The following CDH13 variants were observed in gnomAD, a reference collection of about 807,000 sequenced individuals.
CDH13 encodes cadherin-13.
Under a neutral mutation model 63.8 loss-of-function variants are expected in CDH13, and 24 were observed. The ratio of observed to expected loss-of-function variants is 0.38; its 90% CI spans 0.27 to 0.53. The LOEUF (loss-of-function observed/expected upper bound fraction) is 0.53, where lower values mean the gene tolerates loss of function less well. Ranked by LOEUF, CDH13 falls within the 20% of genes least tolerant of loss-of-function variation. CDH13 has a pLI of 0.85. For missense variants in CDH13, 1,049 were observed against 903.1 expected (o/e 1.16, Z -2.07); for synonymous variants, 503 against 355.3 (o/e 1.42, Z -4.67).
intron 5 of CDH13, among the ~76,000 whole-genome samples, chr16:83,327,220 C>G (rs8044097): frequency 2.6e-5 from 4 of 152,204 alleles, no homozygotes; most frequent in African/African-American, 9.7e-5. Flanking sequence ...AAATCATATA[C>G]TATCAGTCAC....
chr16:83,368,244 G>A (rs904569469), intron 6 of CDH13, among the ~76,000 whole-genome samples: 6 of 152,202 alleles, frequency 3.9e-5, no homozygotes, highest in African/African-American at 1.4e-4. Context: ...TATTCTGTTT[G>A]TTATACACTC....
At chr16:82,827,372 G>A (rs1053407735) in intron 1 of CDH13, among the ~76,000 whole-genome samples, 3 of 152,142 alleles carry the variant, frequency 2.0e-5, no homozygotes, top group Non-Finnish European at 2.9e-5. Flanking sequence ...GTATGAAGGG[G>A]TCAAGCAAAT....
intron 6 of CDH13, among the ~76,000 whole-genome samples, chr16:83,364,475 G>A (rs2091221920): frequency 6.6e-6 from 1 of 152,138 alleles, no homozygotes; most frequent in Non-Finnish European, 1.5e-5. Flanking sequence ...TAGTACACAG[G>A]AAACTTACCT....
chr16:83,259,452 A>C (rs1290342100), intron 5 of CDH13, among the ~76,000 whole-genome samples: 1 of 152,080 alleles, frequency 6.6e-6, no homozygotes, highest in African/African-American at 2.4e-5. Flanking sequence ...CTTTCTCAGC[A>C]TCCTTGTTTG....
intron 6 of CDH13, among the ~76,000 whole-genome samples, chr16:83,391,991 A>C (rs1285247747): frequency 6.6e-6 from 1 of 152,158 alleles, no homozygotes; most frequent in African/African-American, 2.4e-5. Context: ...AACTCTATGT[A>C]GTCAGGAGCT....
At chr16:83,221,416 C>T (rs112903199) in intron 5 of CDH13, among the ~76,000 whole-genome samples, 2 of 152,222 alleles carry the variant, frequency 1.3e-5, no homozygotes, top group African/African-American at 4.8e-5. Flanking sequence ...TGCAAAGCCT[C>T]CTGAAATATT....
intron 2 of CDH13, among the ~76,000 whole-genome samples, chr16:83,005,222 C>T (rs1050907803): frequency 6.6e-6 from 1 of 152,196 alleles, no homozygotes; most frequent in East Asian, 1.9e-4. Context: ...CCCTTCACAG[C>T]TGGACATTGC....
At chr16:83,488,650 A>G (rs1231166656) in intron 7 of CDH13, among the ~76,000 whole-genome samples, 1 of 151,770 alleles carries the variant, frequency 6.6e-6, no homozygotes, top group Non-Finnish European at 1.5e-5. Context: ...TATGAGACAG[A>G]GTCTTGCTCT....
chr16:83,780,076 A>C lies in CDH13; in HGVS notation c.1790A>C (p.Lys597Thr). 1 of 1,613,946 alleles carries C rather than the reference A, an allele frequency of 6.2e-7. No homozygotes were observed. Among genetic ancestry groups the C allele is most frequent in the Non-Finnish European group, 8.5e-7 (1 of 1,179,848 alleles). The change falls in exon 12 of 14, where the codon AAA becomes ACA. Residue 597 changes from lysine to threonine, a missense_variant. By Grantham distance (78) the Lys-to-Thr change is moderately conservative. Transcript: ENST00000567109. Reference protein sequence around the residue: ...PTVAEVCDDAKNLSVVILGAS... With the variant: ...PTVAEVCDDATNLSVVILGAS... Reference sequence around the variant, plus strand: ...GTAGCTGAAGTCTGTGATGATGCCAAAAACCTCAGTGTAGTCATTTTGGGA... The same window carrying C: ...GTAGCTGAAGTCTGTGATGATGCCACAAACCTCAGTGTAGTCATTTTGGGA...
At chr16:82,826,495 A>G (rs1056233329) in intron 1 of CDH13, 1 of 152,204 alleles carries the variant, frequency 6.6e-6, no homozygotes, top group Non-Finnish European at 1.5e-5. Context: ...TCTGTACATG[A>G]TCAGAATCCT....
chr16:83,205,234 A>G (rs1362548384), intron 4 of CDH13, among the ~76,000 whole-genome samples: 1 of 152,236 alleles, frequency 6.6e-6, no homozygotes, highest in Non-Finnish European at 1.5e-5. Context: ...CAGGAGAGTG[A>G]AACACACAGC....
intron 4 of CDH13, among the ~76,000 whole-genome samples, chr16:83,194,102 T>A (rs1370670529): frequency 6.6e-6 from 1 of 152,240 alleles, no homozygotes; most frequent in East Asian, 1.9e-4. Context: ...CAAGGACAGC[T>A]CGTTCCAACC....
chr16:83,704,446 G>T (rs990085402), intron 10 of CDH13, among the ~76,000 whole-genome samples: 1 of 151,974 alleles, frequency 6.6e-6, no homozygotes, highest in African/African-American at 2.4e-5. Context: ...AAAGTTTAGG[G>T]TGTTTAGGGA....
intron 1 of CDH13, among the ~76,000 whole-genome samples, chr16:82,855,836 C>T (rs2039661252): frequency 1.3e-5 from 2 of 152,122 alleles, no homozygotes; most frequent in African/African-American, 4.8e-5. Context: ...ATTCTTGCTC[C>T]CTTCTTTGGG....
chr16:82,810,047 C>G (rs2037363619), intron 1 of CDH13, among the ~76,000 whole-genome samples: 1 of 152,204 alleles, frequency 6.6e-6, no homozygotes, highest in Admixed American at 6.5e-5. Flanking sequence ...TTAGCACGCT[C>G]TCATGTTTGC....
chr16:83,563,574 G>A (rs12598614), intron 7 of CDH13, among the ~76,000 whole-genome samples: 46,504 of 152,018 alleles, frequency 0.31, 8,126 homozygotes, highest in East Asian at 0.42. Context: ...TAATCAATGT[G>A]CTTGATTTGG....
intron 13 of CDH13, among the ~76,000 whole-genome samples, chr16:83,786,237 T>C (rs966157831): frequency 6.6e-6 from 1 of 152,186 alleles, no homozygotes; most frequent in African/African-American, 2.4e-5. Flanking sequence ...TGGAGTTAAC[T>C]GACACTAAAT....
chr16:83,790,172 C>T (rs796180928), intron 13 of CDH13: 4 of 152,282 alleles, frequency 2.6e-5, no homozygotes, highest in African/African-American at 9.6e-5. Context: ...GGTGAGTAAT[C>T]AGCGAGGCCA....
intron 5 of CDH13, among the ~76,000 whole-genome samples, chr16:83,314,050 TG>T (rs1342158417): frequency 1.3e-5 from 2 of 152,220 alleles, no homozygotes; most frequent in Admixed American, 6.5e-5. Context: ...ACTCTTACAC[TG>T]TGTAATTTAC....
Sources: gnomAD v4.1 joint callset for allele counts (sites outside exome capture counted in the v4.1 genomes callset) on GRCh38, gnomAD v4.1.1 for gene constraint, MANE v1.5 for transcripts, NCBI Gene and HGNC (gene_info 2026-07-23, HGNC 2026-07-21) for gene names.